CNTNAP2: variants seen among roughly 807,000 people sequenced by gnomAD.
CNTNAP2 encodes the protein contactin associated protein 2.
Under a neutral mutation model 155.2 loss-of-function variants are expected in CNTNAP2, and 98 were observed. The ratio of observed to expected loss-of-function variants is 0.63; its 90% CI spans 0.54 to 0.75. The LOEUF is 0.75. Among genes scored for constraint, CNTNAP2 ranks in the 30% least tolerant of loss-of-function variants. The pLI, the probability that CNTNAP2 is intolerant of heterozygous loss-of-function variation, is 0.00. For missense variants in CNTNAP2, 1,727 were observed against 1,688.1 expected (o/e 1.02, Z -0.40); for synonymous variants, 651 against 631.2 (o/e 1.03, Z -0.47).
intron 3 of CNTNAP2, among the ~76,000 whole-genome samples, 178 bp downstream of exon 3, chr7:146,840,082 G>C (rs950328523): frequency 6.6e-6 from 1 of 152,130 alleles, no homozygotes; most frequent in Non-Finnish European, 1.5e-5. Flanking sequence ...CTATCCAATG[G>C]TTAAAGCAAT....
chr7:146,391,303 A>T (rs1488840999), intron 1 of CNTNAP2, among the ~76,000 whole-genome samples: 1 of 151,824 alleles, frequency 6.6e-6, no homozygotes, highest in Admixed American at 6.6e-5. Flanking sequence ...GTTGGAAGAA[A>T]GCCTTGCTTT....
At chr7:147,227,556 T>C (rs965725382) in intron 8 of CNTNAP2, among the ~76,000 whole-genome samples, 1 of 152,172 alleles carries the variant, frequency 6.6e-6, no homozygotes, top group East Asian at 1.9e-4. Flanking sequence ...GGACTCTGAA[T>C]ACGACGTGTT....
At position 146,177,532 on chromosome 7, in the gene CNTNAP2, T is replaced by C. The variant is rs148570705; in HGVS notation, c.97+60559T>C. 2.6e-5 allele frequency among the ~76,000 whole-genome samples: 4 copies of C among 152,284 alleles called. No individual in the cohort carries two copies. In the East Asian group the frequency reaches 7.7e-4, roughly 29 times the overall value. On this transcript the variant is annotated intron_variant, in intron 1 of 23. Transcript: ENST00000361727. ...GAAAAAAACAGCAGTAAAAGCCAAA[T>C]TGAACCAGTCCAGCTGTTATACTAT... is the stretch of plus-strand genomic sequence containing the variant.
intron 1 of CNTNAP2, among the ~76,000 whole-genome samples, chr7:146,639,491 C>A (rs773834611): frequency 5.4e-5 from 7 of 129,866 alleles, no homozygotes; most frequent in Non-Finnish European, 9.9e-5. Flanking sequence ...GGGAGGAAAC[C>A]GTACTTCAGA....
intron 3 of CNTNAP2, among the ~76,000 whole-genome samples, chr7:146,868,982 G>A (rs759261154): frequency 1.3e-5 from 2 of 152,104 alleles, no homozygotes; most frequent in African/African-American, 2.4e-5. Context: ...TTGACTTCTT[G>A]TCTTCCTATT....
intron 3 of CNTNAP2, among the ~76,000 whole-genome samples, chr7:146,991,358 C>T (rs1040403846): frequency 2.0e-5 from 3 of 151,964 alleles, no homozygotes; most frequent in Non-Finnish European, 4.4e-5. Context: ...ATATGCACTT[C>T]AATATCATTA....
intron 13 of CNTNAP2, among the ~76,000 whole-genome samples, chr7:147,789,210 T>C (rs116578531): frequency 0.012 from 1,841 of 152,070 alleles, 50 homozygotes; most frequent in African/African-American, 0.041. Context: ...CCCGGCCCAA[T>C]AGAGTACACT....
intron 9 of CNTNAP2, among the ~76,000 whole-genome samples, chr7:147,340,036 T>C (rs899619): frequency 0.39 from 59,530 of 152,008 alleles, 11,958 homozygotes; most frequent in South Asian, 0.49. Flanking sequence ...ACCAATGGCA[T>C]TGGACACATT....
intron 11 of CNTNAP2, among the ~76,000 whole-genome samples, chr7:147,510,871 A>ATATATATATATATATATATATATAT (rs1799006293): frequency 5.6e-5 from 8 of 141,946 alleles, no homozygotes; most frequent in African/African-American, 1.3e-4. Flanking sequence ...ATATATATAT[A>ATATATATATATATATATATATATAT]ATGCTTCCTC....
intron 9 of CNTNAP2, among the ~76,000 whole-genome samples, chr7:147,322,860 C>T (rs867041039): frequency 4.0e-4 from 53 of 133,364 alleles, no homozygotes; most frequent in African/African-American, 1.5e-3. Context: ...AGTTTATTTG[C>T]GTAGAGGTGT....
chr7:147,258,307 G>C (rs1264319120), intron 8 of CNTNAP2, among the ~76,000 whole-genome samples: 1 of 152,158 alleles, frequency 6.6e-6, no homozygotes, highest in African/African-American at 2.4e-5. Context: ...TCAGATCAGA[G>C]TAATTAGCAT....
chr7:146,187,508 A>C (rs1336292349), intron 1 of CNTNAP2, among the ~76,000 whole-genome samples: 1 of 152,206 alleles, frequency 6.6e-6, no homozygotes, highest in African/African-American at 2.4e-5. Flanking sequence ...TCACAGAATC[A>C]AATCCCATAA....
chr7:146,235,413 T>C (rs1799456344), intron 1 of CNTNAP2, among the ~76,000 whole-genome samples: 1 of 152,120 alleles, frequency 6.6e-6, no homozygotes, highest in South Asian at 2.1e-4. Context: ...GGAAGCTGGC[T>C]GTGAGACAAG....
At chr7:146,198,377 T>G (rs940413178) in intron 1 of CNTNAP2, among the ~76,000 whole-genome samples, 1 of 152,176 alleles carries the variant, frequency 6.6e-6, no homozygotes, top group Non-Finnish European at 1.5e-5. Context: ...ACTGGAACGA[T>G]TAACTCAAAA....
chr7:146,644,184 A>G (rs1585021842), intron 1 of CNTNAP2, among the ~76,000 whole-genome samples: 1 of 152,156 alleles, frequency 6.6e-6, no homozygotes, highest in Non-Finnish European at 1.5e-5. Flanking sequence ...CCTGGCCAGA[A>G]CACTATGTTG....
intron 3 of CNTNAP2, among the ~76,000 whole-genome samples, chr7:146,990,487 A>T (rs1798190734): frequency 6.6e-6 from 1 of 152,028 alleles, no homozygotes; most frequent in Non-Finnish European, 1.5e-5. Flanking sequence ...AAAAATAGAC[A>T]CCTAGCCTTA....
intron 15 of CNTNAP2, among the ~76,000 whole-genome samples, chr7:148,095,540 T>C (rs1803946985): frequency 6.6e-6 from 1 of 152,176 alleles, no homozygotes; most frequent in Non-Finnish European, 1.5e-5. Flanking sequence ...GCAGCTGAGA[T>C]CCTAATGAAA....
chr7:146,513,642 C>G (rs565987344), intron 1 of CNTNAP2, among the ~76,000 whole-genome samples: 1 of 152,018 alleles, frequency 6.6e-6, no homozygotes, highest in Non-Finnish European at 1.5e-5. Context: ...CTTTTTATAT[C>G]TCTTAACAAG....
chr7:147,760,508 A>T (rs892332121), intron 13 of CNTNAP2, among the ~76,000 whole-genome samples: 1 of 152,214 alleles, frequency 6.6e-6, no homozygotes, highest in African/African-American at 2.4e-5. Context: ...ATTTAGGAAG[A>T]TTAAACATTT....
Sources: gnomAD v4.1 joint callset for allele counts (sites outside exome capture counted in the v4.1 genomes callset) on GRCh38, gnomAD v4.1.1 for gene constraint, MANE v1.5 for transcripts, NCBI Gene and HGNC (gene_info 2026-07-23, HGNC 2026-07-21) for gene names.